The following SLC38A6 variants were observed in gnomAD, a reference collection of about 807,000 sequenced individuals.
The protein encoded by SLC38A6 is N system amino acid transporter NAT-1.
A neutral mutation model predicts 65.0 loss-of-function variants in SLC38A6; 73 were observed. That is an observed-to-expected ratio of 1.12 (90% CI 0.93 to 1.37). SLC38A6 has a LOEUF of 1.37. Among genes scored for constraint, SLC38A6 ranks in the 40% most tolerant of loss-of-function variants. SLC38A6 has a pLI of 0.00. For synonymous variants in SLC38A6, 183 were observed against 178.8 expected (o/e 1.02, Z -0.19); for missense variants, 561 against 531.1 (o/e 1.06, Z -0.55).
intron 13 of SLC38A6, 146 bp downstream of exon 13, chr14:61,050,782 T>A: frequency 1.5e-6 from 1 of 680,434 alleles, no homozygotes; most frequent in Non-Finnish European, 2.1e-6. Flanking sequence ...GACTTCATAC[T>A]TGCATATGGC....
At chr14:61,061,377 A>C (rs2042835264) in intron 15 of SLC38A6, among the ~76,000 whole-genome samples, 1 of 152,230 alleles carries the variant, frequency 6.6e-6, no homozygotes. Flanking sequence ...TTCATCAAAG[A>C]TATTGACCTG....
At chr14:60,992,942 G>A (rs1306104012) in intron 3 of SLC38A6, among the ~76,000 whole-genome samples, 1 of 151,922 alleles carries the variant, frequency 6.6e-6, no homozygotes, top group Non-Finnish European at 1.5e-5. Flanking sequence ...TGCCTCCCGG[G>A]TTCAAGTGAT....
Position 61,022,021 on chromosome 14 carries a change from T to A in SLC38A6, c.403+2441T>A, listed in dbSNP as rs554029734. ...ACTGTCTTGGCTTCAGTTCCCTCTT[T>A]GTTAAATTGTTGGACGGTAGAGTGG... is the stretch of plus-strand genomic sequence containing the variant. On this transcript the variant is annotated intron_variant, in intron 5 of 15. Transcript: ENST00000267488. 6.6e-5 allele frequency among the ~76,000 whole-genome samples: 10 copies of A among 152,274 alleles called. No individual in the cohort carries two copies. In the South Asian group the frequency reaches 1.9e-3, roughly 28 times the overall value.
chr14:60,989,808 TA>T (rs559421586), intron 3 of SLC38A6, among the ~76,000 whole-genome samples: 108 of 152,364 alleles, frequency 7.1e-4, no homozygotes, highest in African/African-American at 2.4e-3. Flanking sequence ...GAAACTGTTG[TA>T]GCAGTGACTT....
intron 15 of SLC38A6, among the ~76,000 whole-genome samples, chr14:61,065,317 C>T (rs1386301496): frequency 1.3e-5 from 2 of 152,164 alleles, no homozygotes; most frequent in Non-Finnish European, 1.5e-5. Flanking sequence ...TTTCTTCCTA[C>T]CACAGCATTT....
intron 13 of SLC38A6, 73 bp from the exon 14 acceptor site, chr14:61,051,714 A>G (rs975956809): frequency 1.4e-5 from 21 of 1,542,770 alleles, no homozygotes; most frequent in East Asian, 9.0e-5. Context: ...TGGTTGTTGT[A>G]TATGTTTCTC....
chr14:60,994,945 A>C (rs1175727553), intron 3 of SLC38A6, among the ~76,000 whole-genome samples: 1 of 142,026 alleles, frequency 7.0e-6, no homozygotes, highest in Non-Finnish European at 1.5e-5. Flanking sequence ...TGGAGGTTGC[A>C]GTGAGCTGAA....
intron 10 of SLC38A6, 149 bp downstream of exon 10, chr14:61,043,652 A>G: frequency 2.3e-6 from 1 of 440,176 alleles, no homozygotes. Context: ...CCAGAAGACT[A>G]CTATTATTTA....
chr14:61,026,339 C>T (rs1012754434), intron 5 of SLC38A6, among the ~76,000 whole-genome samples: 8 of 151,932 alleles, frequency 5.3e-5, no homozygotes, highest in African/African-American at 7.2e-5. Context: ...CAATCACAGC[C>T]GTAAATACAG....
intron 3 of SLC38A6, among the ~76,000 whole-genome samples, chr14:60,997,009 G>A (rs2038343710): frequency 6.6e-6 from 1 of 152,184 alleles, no homozygotes; most frequent in African/African-American, 2.4e-5. Context: ...ACCAAAGTTA[G>A]AGAGTAACAA....
At chr14:61,055,129 T>A (rs1311489437), downstream of SLC38A6, among the ~76,000 whole-genome samples, 4 of 132,132 alleles carry the variant, frequency 3.0e-5, no homozygotes, top group African/African-American at 1.1e-4. Context: ...TTTTTTTTTT[T>A]ATTATACTCT....
Position 61,045,436 on chromosome 14 carries a change from A to G in SLC38A6, c.824+11A>G. 1 of 1,573,826 alleles carries G rather than the reference A, an allele frequency of 6.4e-7. No homozygotes were observed. Among genetic ancestry groups the G allele is most frequent in the Non-Finnish European group, 8.7e-7 (1 of 1,147,140 alleles). Reference sequence around the variant, plus strand: ...CTGTGAACTTCAAAGGTACTGTAGAATCCTGGAATATTTTAAATATATTGT... The same window carrying G: ...CTGTGAACTTCAAAGGTACTGTAGAGTCCTGGAATATTTTAAATATATTGT... On this transcript the variant is annotated intron_variant, in intron 11 of 15. Transcript: ENST00000267488.
intron 15 of SLC38A6, among the ~76,000 whole-genome samples, chr14:61,076,252 T>G (rs2043413806): frequency 6.6e-6 from 1 of 152,274 alleles, no homozygotes; most frequent in African/African-American, 2.4e-5. Flanking sequence ...GAAACAAATT[T>G]TATAATTCCC....
chr14:61,064,001 G>A lies in SLC38A6; in HGVS notation c.1290+11866G>A, dbSNP rs553417922. 1.9e-3 allele frequency among the ~76,000 whole-genome samples: 288 copies of A among 152,238 alleles called. 1 individual carries two copies. Among genetic ancestry groups the A allele is most frequent in the Admixed American group, 3.3e-3 (50 of 15,284 alleles). ...TGAAATGAGTTTGCTTTCCACTAAG[G>A]ACATGGAAACATACCTTGAATTTCT... On this transcript the variant is annotated intron_variant, in intron 15 of 16. Transcript: ENST00000354886.
intron 12 of SLC38A6, 27 bp from the exon 13 acceptor site, chr14:61,050,485 A>G (rs1164492452): frequency 6.9e-7 from 1 of 1,444,384 alleles, no homozygotes; most frequent in Admixed American, 1.8e-5. Flanking sequence ...GTACTTTATA[A>G]TGTGATCCTT....
intron 8 of SLC38A6, among the ~76,000 whole-genome samples, chr14:61,038,243 TTTTA>T (rs2041534259): frequency 6.6e-6 from 1 of 152,018 alleles, no homozygotes; most frequent in African/African-American, 2.4e-5. Context: ...ATTAGCTCAT[TTTTA>T]TTATATAAAA....
chr14:61,037,502 C>A, intron 7 of SLC38A6, 123 bp from the exon 8 acceptor site: 1 of 659,044 alleles, frequency 1.5e-6, no homozygotes, highest in Non-Finnish European at 2.6e-6. Context: ...TGTTGTTATT[C>A]TGAGCCCTAA....
chr14:60,982,606 T>TTAA lies in SLC38A6; in HGVS notation c.204_205insTAA (p.Tyr68_Val69insTer), dbSNP rs1566599969. The stretch of plus-strand genomic sequence containing the variant: ...GAAGTGGCATCCTTGGCTTAGCTTA[T>TTAA]GTTTTGGCTAATACCGGTGTCTTTG... On this transcript the variant is annotated stop_gained and inframe_insertion, in exon 2 of 16. Transcript: ENST00000267488. LOFTEE classifies it high-confidence loss of function. 2.5e-6 allele frequency: 4 copies of TTAA among 1,613,930 alleles called. No homozygotes were observed. The South Asian group carries it at 4.4e-5, about 18-fold the overall frequency.
chr14:61,037,572 C>T (rs1432428368), intron 7 of SLC38A6, 53 bp from the exon 8 acceptor site: 13 of 1,283,930 alleles, frequency 1.0e-5, no homozygotes, highest in Middle Eastern at 1.9e-4. Context: ...TTTAGTTGTA[C>T]GTTAAAATCG....
Sources: allele counts gnomAD v4.1 joint callset (sites outside exome capture counted in the v4.1 genomes callset), GRCh38; gene constraint gnomAD v4.1.1; transcripts MANE v1.5; gene names NCBI Gene and HGNC (gene_info 2026-07-23, HGNC 2026-07-21).